The following MACROD2 variants were observed in gnomAD, a reference collection of about 807,000 sequenced individuals.
MACROD2 encodes the protein ADP-ribose glycohydrolase MACROD2.
A neutral mutation model predicts 70.4 loss-of-function variants in MACROD2; 36 were observed. That is an observed-to-expected ratio of 0.51 (90% CI 0.39 to 0.68). The LOEUF is 0.68. Among genes scored for constraint, MACROD2 ranks in the 30% least tolerant of loss-of-function variants. The pLI, the probability that MACROD2 is intolerant of heterozygous loss-of-function variation, is 0.00. For synonymous variants in MACROD2, 172 were observed against 178.8 expected (o/e 0.96, Z 0.30); for missense variants, 496 against 538.4 (o/e 0.92, Z 0.78).
chr20:15,182,584 C>T (rs182472029), intron 5 of MACROD2, among the ~76,000 whole-genome samples: 1 of 152,230 alleles, frequency 6.6e-6, no homozygotes, highest in East Asian at 1.9e-4. Context: ...TCTTTTCTGG[C>T]ACTCAGAGCA....
At chr20:15,403,408 G>A (rs1438531394) in intron 6 of MACROD2, among the ~76,000 whole-genome samples, 3 of 151,576 alleles carry the variant, frequency 2.0e-5, no homozygotes, top group Admixed American at 2.0e-4. Context: ...GAGAGAGAGA[G>A]AGAGAAAGAG....
At chr20:14,449,581 G>A (rs889241195) in intron 3 of MACROD2, among the ~76,000 whole-genome samples, 3 of 152,122 alleles carry the variant, frequency 2.0e-5, no homozygotes, top group Non-Finnish European at 2.9e-5. Context: ...AAAGCTGAGT[G>A]TTAGTAGTGA....
intron 8 of MACROD2, among the ~76,000 whole-genome samples, chr20:15,858,334 AT>A (rs2064381686): frequency 6.6e-6 from 1 of 152,152 alleles, no homozygotes; most frequent in Non-Finnish European, 1.5e-5. Flanking sequence ...AGGCATTCTT[AT>A]AGGTTCTCAT....
chr20:14,897,561 A>C (rs1019462696), intron 5 of MACROD2, among the ~76,000 whole-genome samples: 1 of 152,172 alleles, frequency 6.6e-6, no homozygotes, highest in Admixed American at 6.5e-5. Context: ...TATATAGTTC[A>C]TTTTAGTTAG....
chr20:14,281,711 C>T (rs1489783861), intron 3 of MACROD2, among the ~76,000 whole-genome samples: 11 of 151,824 alleles, frequency 7.2e-5, no homozygotes, highest in Admixed American at 4.6e-4. Context: ...ACAAGGCGGG[C>T]GGATCACAAG....
intron 5 of MACROD2, among the ~76,000 whole-genome samples, chr20:15,040,002 C>A (rs1408849059): frequency 6.6e-6 from 1 of 152,116 alleles, no homozygotes; most frequent in Non-Finnish European, 1.5e-5. Flanking sequence ...GCATTTATTA[C>A]CCCAAGATTT....
At chr20:14,672,745 T>C (rs1341353278) in intron 4 of MACROD2, among the ~76,000 whole-genome samples, 1 of 152,174 alleles carries the variant, frequency 6.6e-6, no homozygotes, top group Non-Finnish European at 1.5e-5. Context: ...TAAAGCCCTT[T>C]TAATTACCAG....
chr20:15,267,076 C>G (rs1323733213), intron 6 of MACROD2, among the ~76,000 whole-genome samples: 1 of 152,182 alleles, frequency 6.6e-6, no homozygotes, highest in Admixed American at 6.5e-5. Flanking sequence ...AGGACCAGCT[C>G]TAAGGACAAG....
intron 5 of MACROD2, among the ~76,000 whole-genome samples, chr20:14,777,760 C>T (rs774130148): frequency 2.0e-4 from 31 of 152,094 alleles, no homozygotes; most frequent in Non-Finnish European, 3.8e-4. Context: ...GTAGAAGTGT[C>T]TGACAGCTAG....
chr20:14,048,728 A>G (rs1253276633), intron 2 of MACROD2, among the ~76,000 whole-genome samples: 2 of 152,220 alleles, frequency 1.3e-5, no homozygotes, highest in East Asian at 3.8e-4. Flanking sequence ...TGGACCAAAA[A>G]AAGAAAGGTT....
chr20:15,043,145 A>G (rs2075367946), intron 5 of MACROD2, among the ~76,000 whole-genome samples: 1 of 152,214 alleles, frequency 6.6e-6, no homozygotes, highest in South Asian at 2.1e-4. Flanking sequence ...GGGCATAGTA[A>G]GCCACTAGGA....
At chr20:15,215,286 G>GTT (rs2145955031) in intron 5 of MACROD2, among the ~76,000 whole-genome samples, 1 of 149,682 alleles carries the variant, frequency 6.7e-6, no homozygotes, top group African/African-American at 2.4e-5. Flanking sequence ...GTGTGTGTGT[G>GTT]TGTGTGTGTG....
intron 15 of MACROD2, among the ~76,000 whole-genome samples, chr20:15,993,492 A>G (rs1358507756): frequency 1.3e-5 from 2 of 152,168 alleles, no homozygotes; most frequent in African/African-American, 4.8e-5. Flanking sequence ...AGACTACACC[A>G]TATAACCTTG....
chr20:14,587,155 C>G (rs765901314), intron 4 of MACROD2, among the ~76,000 whole-genome samples: 5 of 151,644 alleles, frequency 3.3e-5, no homozygotes, highest in Non-Finnish European at 5.9e-5. Context: ...ATATTTGTTT[C>G]TAGGTGATTA....
chr20:15,217,870 C>T (rs904856521), intron 5 of MACROD2, among the ~76,000 whole-genome samples: 4 of 151,946 alleles, frequency 2.6e-5, no homozygotes, highest in Admixed American at 1.3e-4. Context: ...TGGTTTTCTT[C>T]GAGTGCTTTT....
intron 8 of MACROD2, among the ~76,000 whole-genome samples, chr20:15,658,974 TATAGTAAC>T (rs1173990341): frequency 1.3e-5 from 2 of 152,224 alleles, no homozygotes; most frequent in Non-Finnish European, 2.9e-5. Context: ...TCTTAAGACA[TATAGTAAC>T]ATAGTTGCTT....
At chr20:14,076,432 C>T (rs3859623) in intron 2 of MACROD2, among the ~76,000 whole-genome samples, 27,404 of 151,858 alleles carry the variant, frequency 0.18, 3,022 homozygotes, top group African/African-American at 0.31. Flanking sequence ...GGGAGGATCA[C>T]TTGAACTCAG....
intron 6 of MACROD2, among the ~76,000 whole-genome samples, chr20:15,329,852 C>G (rs1228226114): frequency 6.6e-6 from 1 of 152,076 alleles, no homozygotes; most frequent in African/African-American, 2.4e-5. Context: ...CCCCAAAATG[C>G]TGCACCTTTG....
At chr20:14,881,964 A>C (rs1007716841) in intron 5 of MACROD2, among the ~76,000 whole-genome samples, 1 of 152,200 alleles carries the variant, frequency 6.6e-6, no homozygotes, top group Non-Finnish European at 1.5e-5. Flanking sequence ...CACGCATGTT[A>C]TCTTCACAGC....
Sources: gnomAD v4.1 joint callset for allele counts (sites outside exome capture counted in the v4.1 genomes callset) on GRCh38, gnomAD v4.1.1 for gene constraint, MANE v1.5 for transcripts, NCBI Gene and HGNC (gene_info 2026-07-23, HGNC 2026-07-21) for gene names.